The following XRCC4 variants were observed in gnomAD, a reference collection of about 807,000 sequenced individuals.
XRCC4 encodes the protein X-ray repair cross complementing 4.
A neutral mutation model predicts 39.1 loss-of-function variants in XRCC4; 28 were observed. The ratio of observed to expected loss-of-function variants is 0.72; its 90% CI spans 0.53 to 0.98. XRCC4 has a LOEUF of 0.98. Among genes scored for constraint, XRCC4 ranks in the 50% least tolerant of loss-of-function variants. XRCC4 has a pLI of 0.00. For missense variants in XRCC4, 350 were observed against 376.4 expected (o/e 0.93, Z 0.58); for synonymous variants, 123 against 126.4 (o/e 0.97, Z 0.18).
At chr5:83,283,050 CAAAA>C (rs199980796) in intron 7 of XRCC4, among the ~76,000 whole-genome samples, 4 of 58,248 alleles carry the variant, frequency 6.9e-5, no homozygotes, top group African/African-American at 1.4e-4. Context: ...ATAGCCAGAC[CAAAA>C]AAAAAAAAAA....
intron 7 of XRCC4, among the ~76,000 whole-genome samples, chr5:83,351,464 C>G (rs1757080587): frequency 6.6e-6 from 1 of 152,140 alleles, no homozygotes; most frequent in African/African-American, 2.4e-5. Flanking sequence ...GCACAAGCAA[C>G]TCTAAGACAT....
chr5:83,080,205 A>G (rs1255514644), intron 1 of XRCC4, among the ~76,000 whole-genome samples: 1 of 152,154 alleles, frequency 6.6e-6, no homozygotes, highest in Non-Finnish European at 1.5e-5. Context: ...TCAGTTACCC[A>G]TGATCAACCA....
chr5:83,321,891 A>G (rs1267620916), intron 7 of XRCC4, among the ~76,000 whole-genome samples: 2 of 151,576 alleles, frequency 1.3e-5, no homozygotes, highest in African/African-American at 4.9e-5. Context: ...AGACCAGGAA[A>G]CCAGCCAAGC....
intron 3 of XRCC4, among the ~76,000 whole-genome samples, chr5:83,162,953 T>TTTC (rs60849796): frequency 0.22 from 28,953 of 129,202 alleles, 2,937 homozygotes; most frequent in Non-Finnish European, 0.31. Context: ...TCTTTCTTTC[T>TTTC]TTTTTTTTTT....
intron 1 of XRCC4, among the ~76,000 whole-genome samples, chr5:83,102,089 G>A (rs548480960): frequency 1.3e-5 from 2 of 151,968 alleles, no homozygotes; most frequent in South Asian, 4.1e-4. Context: ...AATTAAAACT[G>A]AATGTGATAT....
At chr5:83,077,846 G>A (rs1002299871) in intron 1 of XRCC4, 8 of 156,930 alleles carry the variant, frequency 5.1e-5, no homozygotes, top group Admixed American at 3.1e-4. Flanking sequence ...CCCCTTTTCA[G>A]TTTCTCCGTT....
intron 7 of XRCC4, among the ~76,000 whole-genome samples, chr5:83,326,287 T>C (rs1342542987): frequency 1.3e-5 from 2 of 152,146 alleles, no homozygotes; most frequent in Admixed American, 1.3e-4. Context: ...TTTGCTTTTG[T>C]TGCAATTGCT....
At chr5:83,092,624 A>T (rs1483478523) in intron 1 of XRCC4, among the ~76,000 whole-genome samples, 3 of 152,102 alleles carry the variant, frequency 2.0e-5, no homozygotes, top group East Asian at 1.9e-4. Context: ...AATATGATGT[A>T]ATTTAGACAT....
At chr5:83,332,063 G>A (rs1756452241) in intron 7 of XRCC4, among the ~76,000 whole-genome samples, 1 of 152,060 alleles carries the variant, frequency 6.6e-6, no homozygotes, top group South Asian at 2.1e-4. Flanking sequence ...GAAGCATCTG[G>A]TTCACATGTG....
intron 1 of XRCC4, among the ~76,000 whole-genome samples, chr5:83,104,281 C>T (rs1746090085): frequency 6.6e-6 from 1 of 152,032 alleles, no homozygotes; most frequent in East Asian, 1.9e-4. Flanking sequence ...CTTTTTCATT[C>T]CAGACAGTGT....
intron 7 of XRCC4, among the ~76,000 whole-genome samples, chr5:83,279,131 C>T (rs539857475): frequency 1.4e-5 from 2 of 146,028 alleles, no homozygotes; most frequent in African/African-American, 5.0e-5. Context: ...GTTTGAAACA[C>T]ATTATTGAAA....
At chr5:83,101,600 T>C (rs139019187) in intron 1 of XRCC4, among the ~76,000 whole-genome samples, 23 of 152,244 alleles carry the variant, frequency 1.5e-4, no homozygotes, top group African/African-American at 5.5e-4. Flanking sequence ...TCTTCTTACA[T>C]TCTTGTGACT....
intron 3 of XRCC4, among the ~76,000 whole-genome samples, chr5:83,167,411 T>C (rs1470207050): frequency 6.6e-6 from 1 of 152,130 alleles, no homozygotes; most frequent in Non-Finnish European, 1.5e-5. Context: ...AACTGATCTG[T>C]GTTGTAATCT....
intron 3 of XRCC4, among the ~76,000 whole-genome samples, chr5:83,139,575 A>G (rs761810290): frequency 6.6e-6 from 1 of 152,126 alleles, no homozygotes; most frequent in Non-Finnish European, 1.5e-5. Context: ...AACAGTGGGG[A>G]TATGTTCTGA....
At chr5:83,182,327 A>T (rs1750243342) in intron 3 of XRCC4, among the ~76,000 whole-genome samples, 1 of 152,160 alleles carries the variant, frequency 6.6e-6, no homozygotes, top group African/African-American at 2.4e-5. Flanking sequence ...TCTCATGCTC[A>T]CTCACATAAA....
intron 2 of XRCC4, 120 bp from the exon 3 acceptor site, chr5:83,110,908 G>A: frequency 1.0e-6 from 1 of 956,616 alleles, no homozygotes; most frequent in Non-Finnish European, 1.5e-6. Flanking sequence ...TATAGGGATT[G>A]ATTTTACTTG....
At position 83,300,654 on chromosome 5, in the gene XRCC4, A is replaced by G. The variant is rs189500462; in HGVS notation, c.893+41977A>G. On this transcript the variant is annotated intron_variant, in intron 7 of 7. Transcript: ENST00000396027. ...CATGCATGTTTGTTACATAGTATAC[A>G]TGTGCCATGGTGGTTTGCTGCACCC... 5.0e-3 allele frequency among the ~76,000 whole-genome samples: 747 copies of G among 149,552 alleles called. 5 individuals carry two copies. Among genetic ancestry groups the G allele is most frequent in the African/African-American group, 0.018 (719 of 40,572 alleles).
intron 7 of XRCC4, among the ~76,000 whole-genome samples, chr5:83,322,361 T>C (rs902838552): frequency 2.0e-5 from 3 of 151,996 alleles, no homozygotes; most frequent in Admixed American, 2.0e-4. Flanking sequence ...CTCAATGAAA[T>C]TATTTATGTT....
At chr5:83,362,316 A>AAACAAAAAAAAAAC in the XRCC4 span, among the ~76,000 whole-genome samples, 1 of 145,954 alleles carries the variant, frequency 6.9e-6, no homozygotes, top group African/African-American at 2.8e-5. Flanking sequence ...AAAAAAAAAA[A>AAACAAAAAAAAAAC]AACTATCTCA....
Sources: allele counts gnomAD v4.1 joint callset (sites outside exome capture counted in the v4.1 genomes callset), GRCh38; gene constraint gnomAD v4.1.1; transcripts MANE v1.5; gene names NCBI Gene and HGNC (gene_info 2026-07-23, HGNC 2026-07-21).